Variants in FAS observed in about 807,000 individuals in gnomAD.
FAS encodes the protein tumor necrosis factor receptor superfamily member 6.
A neutral mutation model predicts 33.2 loss-of-function variants in FAS; 5 were observed. The observed-to-expected ratio is 0.15, with a 90% CI of 0.08 to 0.32. The LOEUF is 0.32. FAS is among the 10% of genes least tolerant of loss of function. FAS has a pLI of 1.00. For missense variants in FAS, 339 were observed against 386.0 expected, an observed-to-expected ratio of 0.88 and a Z score of 1.02; for synonymous variants, 131 against 130.7, an observed-to-expected ratio of 1.00 and a Z score of -0.01.
intron 7 of FAS, 81 bp downstream of exon 7, chr10:89,012,162 T>A: frequency 8.4e-7 from 1 of 1,195,290 alleles, no homozygotes; most frequent in South Asian, 1.2e-5. Context: ...TACTTCCTTT[T>A]ACTTTTTTGT....
intron 1 of FAS, among the ~76,000 whole-genome samples, chr10:88,995,911 C>G (rs1469527222): frequency 2.0e-5 from 3 of 152,204 alleles, no homozygotes; most frequent in Non-Finnish European, 4.4e-5. Context: ...ATTCAATCAG[C>G]AGATGTACTC....
At chr10:89,009,369 G>A (rs1848411495) in intron 4 of FAS, among the ~76,000 whole-genome samples, 2 of 152,224 alleles carry the variant, frequency 1.3e-5, no homozygotes. Context: ...TGAGGAGATG[G>A]AGGTGAAGAC....
intron 2 of FAS, among the ~76,000 whole-genome samples, chr10:89,004,205 T>C (rs1024631611): frequency 5.3e-5 from 8 of 152,232 alleles, no homozygotes; most frequent in Non-Finnish European, 5.9e-5. Flanking sequence ...ATGAACAAAA[T>C]ATGCTTTGCA....
intron 1 of FAS, among the ~76,000 whole-genome samples, chr10:88,972,579 A>AT (rs1420691599): frequency 1.3e-5 from 2 of 150,322 alleles, no homozygotes; most frequent in African/African-American, 4.9e-5. Context: ...ATTGTAATTT[A>AT]TCTATTAGCT....
At position 89,015,249 on chromosome 10, in the gene FAS, A is replaced by C. The variant is rs1179630919; in HGVS notation, c.*799A>C. ...ATCTTAATGGCCTAATGCACCCCCA[A>C]ACATGGAAATATCACCAAAAAATAC... On this transcript the variant is annotated 3_prime_UTR_variant, in exon 9 of 9. Transcript: ENST00000652046. 7.5e-6 allele frequency: 4 copies of C among 534,698 alleles called. No homozygotes were observed. The highest frequency in any genetic ancestry group is 1.9e-5 in the African/African-American group (1 of 53,862). 33.1% of individuals were successfully genotyped at this position (534,698 alleles called of 1,614,324 possible). A position where few individuals can be genotyped will look rare whatever the true frequency, so the allele number is the denominator to read the frequency against.
intron 2 of FAS, among the ~76,000 whole-genome samples, chr10:89,005,995 A>G (rs974103194): frequency 6.6e-6 from 1 of 152,326 alleles, no homozygotes; most frequent in African/African-American, 2.4e-5. Context: ...TATAATAAGC[A>G]TATGTACCAT....
At chr10:88,979,781 A>G (rs1039871506) in intron 2 of FAS, among the ~76,000 whole-genome samples, 4 of 152,000 alleles carry the variant, frequency 2.6e-5, no homozygotes, top group Non-Finnish European at 5.9e-5. Context: ...TTTAGTCCTG[A>G]CTCTCTAATC....
upstream of FAS, among the ~76,000 whole-genome samples, chr10:88,988,288 AC>A (rs1846967970): frequency 6.6e-6 from 1 of 152,252 alleles, no homozygotes; most frequent in Non-Finnish European, 1.5e-5. Flanking sequence ...ATGGATATAC[AC>A]TATAGCTGGG....
chr10:89,016,756 G>C lies in FAS; in HGVS notation c.*2306G>C, dbSNP rs1848821383. 1 of 222,506 alleles carries C rather than the reference G, an allele frequency of 4.5e-6. No individual in the cohort carries two copies. The highest frequency in any genetic ancestry group is 2.2e-5 in the African/African-American group (1 of 44,716). 13.8% of individuals were successfully genotyped at this position (222,506 alleles called of 1,614,324 possible). The stretch of plus-strand genomic sequence containing the variant: ...ACCCAAAGGTCACCCATGAGCTGCA[G>C]AAAAAAAGGCTATTTGCAGAAGGAG... On this transcript the variant is annotated 3_prime_UTR_variant, in exon 9 of 9. Coordinates refer to ENST00000652046, the MANE Select transcript of FAS (RefSeq NM_000043.6).
At chr10:88,992,676 AT>A (rs1263302607) in intron 1 of FAS, 1 of 152,226 alleles carries the variant, frequency 6.6e-6, no homozygotes, top group Non-Finnish European at 1.5e-5. Context: ...AAATTTATAA[AT>A]GCAGATGAGT....
chr10:88,997,987 A>G (rs926223668), intron 1 of FAS, among the ~76,000 whole-genome samples: 1 of 152,224 alleles, frequency 6.6e-6, no homozygotes, highest in Non-Finnish European at 1.5e-5. Context: ...CCAAGATGGG[A>G]AATTCTTGGG....
At chr10:88,984,680 T>A (rs1339448973), upstream of FAS, among the ~76,000 whole-genome samples, 6 of 152,216 alleles carry the variant, frequency 3.9e-5, no homozygotes, top group East Asian at 1.2e-3. Context: ...ACTTCTTATG[T>A]TTAGTTATTC....
chr10:89,001,362 T>C (rs989584671), intron 1 of FAS, among the ~76,000 whole-genome samples: 4 of 151,820 alleles, frequency 2.6e-5, no homozygotes, highest in Admixed American at 2.6e-4. Flanking sequence ...TTTTATTTTG[T>C]CTGTGGGGTT....
At chr10:88,991,358 T>G in intron 1 of FAS, 1 of 306,666 alleles carries the variant, frequency 3.3e-6, no homozygotes. Context: ...CGCGGGTGGG[T>G]GAGTGCGCGC....
chr10:88,999,177 T>TAA (rs1847789031), intron 1 of FAS, among the ~76,000 whole-genome samples: 2 of 59,884 alleles, frequency 3.3e-5, no homozygotes, highest in Non-Finnish European at 7.2e-5. Context: ...ATAAATAAAA[T>TAA]AAAATAAAAT....
chr10:88,982,535 G>C (rs1042214168), upstream of FAS, among the ~76,000 whole-genome samples: 1 of 152,142 alleles, frequency 6.6e-6, no homozygotes, highest in African/African-American at 2.4e-5. Flanking sequence ...GAGATTCACT[G>C]AGGGGGGAAT....
chr10:89,014,403 G>A lies in FAS; in HGVS notation c.961G>A (p.Asp321Asn), dbSNP rs137898188. 13 of 1,612,662 alleles carry A rather than the reference G, an allele frequency of 8.1e-6. No individual in the cohort carries two copies. The African/African-American group carries it at 1.6e-4, about 20-fold the overall frequency. The change falls in exon 9 of 9, where the codon GAC becomes AAC. Residue 321 changes from aspartate to asparagine, a missense_variant. Around this residue, in one of 3 missense-constraint regions of FAS, gnomAD observed 52 missense variants for 52.7 expected, o/e 0.99. Coordinates refer to ENST00000652046, the MANE Select transcript of FAS (RefSeq NM_000043.6). The stretch of plus-strand genomic sequence containing the variant: ...TATCATCCTCAAGGACATTACTAGT[G>A]ACTCAGAAAATTCAAACTTCAGAAA... ...QTIILKDITS[D>N]SENSNFRNEI... is the part of the protein sequence containing the mutation.
chr10:88,996,937 G>A (rs9658699), intron 1 of FAS, among the ~76,000 whole-genome samples: 5,497 of 152,210 alleles, frequency 0.036, 190 homozygotes, highest in Admixed American at 0.11. Flanking sequence ...CTCTGGGGCT[G>A]TATTTTAGGA....
At chr10:88,979,859 C>T (rs1397890548) in intron 2 of FAS, among the ~76,000 whole-genome samples, 2 of 152,198 alleles carry the variant, frequency 1.3e-5, no homozygotes, top group African/African-American at 2.4e-5. Context: ...CACCACACAC[C>T]TCCTCACACA....
Sources: gnomAD v4.1 joint callset for allele counts (sites outside exome capture counted in the v4.1 genomes callset) on GRCh38, gnomAD v4.1.1 for gene constraint, gnomAD v4.1.1 regional missense constraint, MANE v1.5 for transcripts, NCBI Gene and HGNC (gene_info 2026-07-23, HGNC 2026-07-21) for gene names.